Variants in CRADD observed in about 807,000 individuals in gnomAD.
The protein encoded by CRADD is death domain-containing protein CRADD.
CRADD carries 9 observed loss-of-function variants against 15.5 expected under a neutral mutation model. The ratio of observed to expected loss-of-function variants is 0.58; its 90% CI spans 0.35 to 1.01. The LOEUF is 1.01. Ranked by LOEUF, CRADD falls within the 50% of genes least tolerant of loss-of-function variation. The pLI, the probability that CRADD is intolerant of heterozygous loss-of-function variation, is 0.02. For missense variants in CRADD, 227 were observed against 250.3 expected (o/e 0.91, Z 0.63); for synonymous variants, 118 against 107.6 (o/e 1.10, Z -0.60).
At chr12:93,694,435 A>G (rs1269836344) in intron 2 of CRADD, among the ~76,000 whole-genome samples, 2 of 152,124 alleles carry the variant, frequency 1.3e-5, no homozygotes, top group Non-Finnish European at 2.9e-5. Context: ...CACTCTCACC[A>G]CTCTTACTCA....
chr12:93,685,166 T>C (rs1955402278), intron 2 of CRADD, among the ~76,000 whole-genome samples: 1 of 152,218 alleles, frequency 6.6e-6, no homozygotes, highest in African/African-American at 2.4e-5. Flanking sequence ...TTTTTTTGTG[T>C]CAACTTAATG....
At chr12:93,785,946 A>C (rs1222788346) in intron 2 of CRADD, among the ~76,000 whole-genome samples, 1 of 152,200 alleles carries the variant, frequency 6.6e-6, no homozygotes, top group Non-Finnish European at 1.5e-5. Flanking sequence ...TTCCTGTGGG[A>C]TATACAGGTA....
At chr12:93,836,804 G>T (rs1278583453) in intron 2 of CRADD, among the ~76,000 whole-genome samples, 1 of 152,216 alleles carries the variant, frequency 6.6e-6, no homozygotes, top group Non-Finnish European at 1.5e-5. Context: ...GGTGCCTGGA[G>T]TACATCACTG....
intron 2 of CRADD, among the ~76,000 whole-genome samples, chr12:93,779,255 A>G (rs1336137628): frequency 6.6e-6 from 1 of 152,210 alleles, no homozygotes; most frequent in Non-Finnish European, 1.5e-5. Context: ...AGGCAATGAG[A>G]TGGAAATACT....
At chr12:93,869,448 A>G (rs1463931877) in intron 2 of CRADD, among the ~76,000 whole-genome samples, 3 of 152,194 alleles carry the variant, frequency 2.0e-5, no homozygotes, top group African/African-American at 7.2e-5. Flanking sequence ...ACCCACAAAC[A>G]AAGCAGGTAT....
intron 2 of CRADD, among the ~76,000 whole-genome samples, chr12:93,822,201 A>T (rs1045948365): frequency 2.0e-5 from 3 of 152,010 alleles, no homozygotes; most frequent in African/African-American, 4.8e-5. Context: ...TTGATGCCCC[A>T]TCCTACCCTG....
intron 2 of CRADD, among the ~76,000 whole-genome samples, chr12:93,877,173 C>G (rs988106081): frequency 6.6e-6 from 1 of 152,202 alleles, no homozygotes; most frequent in South Asian, 2.1e-4. Flanking sequence ...CAAACAGTCT[C>G]TCCTTGTTCA....
At position 93,849,981 on chromosome 12, in the gene CRADD, A is replaced by T; in HGVS notation, c.310A>T (p.Thr104Ser). Residue 104 changes from threonine to serine, a missense_variant, in exon 3 of 3, where the codon ACT becomes TCT. By Grantham distance (58) the Thr-to-Ser change is moderately conservative. Transcript: ENST00000332896. ...TTTTTCCTCCTCAGGTGACAGATTG[A>T]CTGGGATCCCCTCGCACATCCTCAA... ...MTDLPAGDRL[T>S]GIPSHILNSS... 6.2e-7 allele frequency: 1 copy of T among 1,600,828 alleles called. No homozygotes were observed. Among genetic ancestry groups the T allele is most frequent in the Non-Finnish European group, 8.6e-7 (1 of 1,167,972 alleles).
intron 1 of CRADD, 64 bp from the exon 2 acceptor site, chr12:93,678,705 G>A: frequency 6.5e-7 from 1 of 1,533,308 alleles, no homozygotes; most frequent in South Asian, 1.3e-5. Flanking sequence ...ACATTGCAGT[G>A]ACACTGTCTT....
chr12:93,799,191 TA>T (rs1378458978), intron 2 of CRADD, among the ~76,000 whole-genome samples: 1 of 152,214 alleles, frequency 6.6e-6, no homozygotes, highest in African/African-American at 2.4e-5. Context: ...TAGGTATTTT[TA>T]TGTAAATGAT....
At chr12:93,842,317 A>G (rs1958058615) in intron 2 of CRADD, among the ~76,000 whole-genome samples, 1 of 152,222 alleles carries the variant, frequency 6.6e-6, no homozygotes, top group Non-Finnish European at 1.5e-5. Flanking sequence ...CAGTGAAAGC[A>G]ATAAGGAATA....
At chr12:93,801,851 CT>C (rs1182313461) in intron 2 of CRADD, among the ~76,000 whole-genome samples, 1 of 152,156 alleles carries the variant, frequency 6.6e-6, no homozygotes, top group African/African-American at 2.4e-5. Flanking sequence ...ACCTCACCCC[CT>C]CCCATCCGGC....
intron 2 of CRADD, among the ~76,000 whole-genome samples, chr12:93,841,962 T>C (rs895034579): frequency 4.5e-4 from 69 of 152,100 alleles, no homozygotes; most frequent in African/African-American, 1.4e-3. Flanking sequence ...TTTTTAAAAG[T>C]GCTACCCCAT....
At chr12:93,695,281 C>T (rs1955676279) in intron 2 of CRADD, among the ~76,000 whole-genome samples, 1 of 152,184 alleles carries the variant, frequency 6.6e-6, no homozygotes, top group Non-Finnish European at 1.5e-5. Flanking sequence ...TTTAGACCCT[C>T]ATCTCACACC....
chr12:93,680,716 T>C (rs1184152388), intron 2 of CRADD, among the ~76,000 whole-genome samples: 1 of 152,226 alleles, frequency 6.6e-6, no homozygotes, highest in Non-Finnish European at 1.5e-5. Flanking sequence ...TAAAAAATTA[T>C]TGGTGTTTTC....
chr12:93,763,426 G>C (rs1489332750), intron 2 of CRADD, among the ~76,000 whole-genome samples: 1 of 151,826 alleles, frequency 6.6e-6, no homozygotes, highest in Non-Finnish European at 1.5e-5. Context: ...GTTTCAGGGG[G>C]CTGCAAGTCA....
intron 2 of CRADD, among the ~76,000 whole-genome samples, chr12:93,802,209 T>C (rs1004495929): frequency 3.9e-5 from 6 of 152,234 alleles, no homozygotes; most frequent in Non-Finnish European, 7.3e-5. Flanking sequence ...AGGAACCCAG[T>C]AGTGGGATTG....
chr12:93,839,530 T>C (rs1958023320), intron 2 of CRADD, among the ~76,000 whole-genome samples: 1 of 152,264 alleles, frequency 6.6e-6, no homozygotes, highest in African/African-American at 2.4e-5. Context: ...GCCAACTTGC[T>C]GGCCAGTACG....
intron 2 of CRADD, among the ~76,000 whole-genome samples, chr12:93,782,309 A>T (rs1957219399): frequency 1.5e-5 from 2 of 131,360 alleles, no homozygotes; most frequent in Non-Finnish European, 1.6e-5. Flanking sequence ...ACATGGACAC[A>T]GGAAGGGGAA....
Sources: allele counts gnomAD v4.1 joint callset (sites outside exome capture counted in the v4.1 genomes callset), GRCh38; gene constraint gnomAD v4.1.1; transcripts MANE v1.5; gene names NCBI Gene and HGNC (gene_info 2026-07-23, HGNC 2026-07-21).